The following PDCD6 variants were observed in gnomAD, a reference collection of about 807,000 sequenced individuals.
PDCD6 encodes the protein programmed cell death protein 6.
PDCD6 carries 12 observed loss-of-function variants against 28.3 expected under a neutral mutation model. The observed-to-expected ratio is 0.42, with a 90% confidence interval of 0.27 to 0.69. PDCD6 has a LOEUF of 0.69. Ranked by LOEUF, PDCD6 falls within the 30% of genes least tolerant of loss-of-function variation. PDCD6 has a pLI of 0.22. For synonymous variants in PDCD6, 92 were observed against 108.0 expected (o/e 0.85, Z 0.92); for missense variants, 226 against 269.9 (o/e 0.84, Z 1.14).
At chr5:278,294 G>A (rs1738334127) in intron 2 of PDCD6, among the ~76,000 whole-genome samples, 1 of 151,996 alleles carries the variant, frequency 6.6e-6, no homozygotes, top group African/African-American at 2.4e-5. Context: ...TCCAGGCACT[G>A]GGGATAGGGT....
chr5:297,299 G>A lies in PDCD6; in HGVS notation c.164-6878G>A, dbSNP rs57010956. Among the ~76,000 whole-genome samples, 677 of 152,368 alleles carry A rather than the reference G, an allele frequency of 4.4e-3. 7 individuals carry two copies. The highest frequency in any genetic ancestry group is 0.015 in the African/African-American group (631 of 41,578). On this transcript the variant is annotated intron_variant, in intron 2 of 5. Transcript: ENST00000264933. ...CCACGGAATAAACATGGGGGAGAGC[G>A]TAAGCGCTGTCCTAGCAGAAACTTA...
Position 274,376 on chromosome 5 carries a change from A to G in PDCD6, c.163+1604A>G, listed in dbSNP as rs540875533. 2.0e-5 allele frequency among the ~76,000 whole-genome samples: 3 copies of G among 152,240 alleles called. No homozygotes were observed. In the East Asian group the frequency reaches 5.8e-4, roughly 29 times the overall value. On this transcript the variant is annotated intron_variant, in intron 2 of 5. Coordinates refer to ENST00000264933, the MANE Select transcript of PDCD6 (RefSeq NM_013232.4). ...TGGTCAAATACTGGACCGCATTAGT[A>G]TGGTAGCCTGCCCACCTTGGCAGGC...
chr5:284,327 A>C (rs1243273165), intron 2 of PDCD6, among the ~76,000 whole-genome samples: 3 of 152,068 alleles, frequency 2.0e-5, no homozygotes, highest in Non-Finnish European at 4.4e-5. Flanking sequence ...TTCTAGCTTG[A>C]GGGTCGTTCA....
At chr5:293,172 C>T (rs1301178404) in intron 2 of PDCD6, among the ~76,000 whole-genome samples, 1 of 152,244 alleles carries the variant, frequency 6.6e-6, no homozygotes, top group African/African-American at 2.4e-5. Context: ...ACAGGACCCC[C>T]TGATGGACCA....
At chr5:285,782 T>G (rs1326236293) in intron 2 of PDCD6, among the ~76,000 whole-genome samples, 7 of 150,298 alleles carry the variant, frequency 4.7e-5, no homozygotes, top group South Asian at 4.2e-4. Context: ...TTGAGAGATG[T>G]GCAGATGGAG....
At chr5:309,630 T>C in intron 4 of PDCD6, 1 of 179,606 alleles carries the variant, frequency 5.6e-6, no homozygotes, top group South Asian at 5.6e-5. Context: ...GCCGTCCCCG[T>C]GCACACCAGT....
At chr5:284,891 A>G (rs754832698) in intron 2 of PDCD6, among the ~76,000 whole-genome samples, 1 of 144,000 alleles carries the variant, frequency 6.9e-6, no homozygotes. Flanking sequence ...CTGATGTTCC[A>G]GTCTGAGGGT....
chr5:289,762 A>G, intron 2 of PDCD6: 3 of 946,278 alleles, frequency 3.2e-6, no homozygotes, highest in South Asian at 1.3e-5. Flanking sequence ...ATTTGTTGTC[A>G]TGGGGGCTGA....
rs138724135 is a variant in PDCD6, at chr5:299,584, T to C, written c.164-4593T>C. ...TTTTTCTTTAAGACAGAGTCTCACTTTGTCGCCCAGGCTGGAGTCCAGTGG... is the reference window on the plus strand; with the variant it reads ...TTTTTCTTTAAGACAGAGTCTCACTCTGTCGCCCAGGCTGGAGTCCAGTGG... On this transcript the variant is annotated intron_variant, in intron 2 of 5. Transcript: ENST00000264933. Among the ~76,000 whole-genome samples, 759 of 152,078 alleles carry C rather than the reference T, an allele frequency of 5.0e-3. 9 individuals carry two copies. Among genetic ancestry groups the C allele is most frequent in the African/African-American group, 0.018 (746 of 41,494 alleles).
At chr5:299,240 CTCCCCCCCAGCTGT>C (rs1414625463) in intron 2 of PDCD6, among the ~76,000 whole-genome samples, 5 of 55,460 alleles carry the variant, frequency 9.0e-5, no homozygotes, top group African/African-American at 3.6e-4. Context: ...CCCTCCGCTG[CTCCCCCCCAGCTGT>C]TCCCCCCCAG....
intron 2 of PDCD6, among the ~76,000 whole-genome samples, chr5:281,535 G>A (rs1481110732): frequency 6.6e-6 from 1 of 152,058 alleles, no homozygotes; most frequent in Non-Finnish European, 1.5e-5. Context: ...AGGTGTTCTA[G>A]TTTGAGGGTC....
At chr5:300,351 T>G (rs1579528668) in intron 2 of PDCD6, among the ~76,000 whole-genome samples, 1 of 152,222 alleles carries the variant, frequency 6.6e-6, no homozygotes, top group African/African-American at 2.4e-5. Context: ...GCTGGAGGAA[T>G]CCGGCGCACC....
chr5:311,555 G>A (rs927746903), intron 5 of PDCD6, 153 bp downstream of exon 5: 28 of 609,474 alleles, frequency 4.6e-5, no homozygotes, highest in Admixed American at 1.4e-4. Flanking sequence ...AGAAGTAGCC[G>A]GTTAGTGAAG....
chr5:281,720 G>GGT (rs1185409215), intron 2 of PDCD6, among the ~76,000 whole-genome samples: 4 of 138,126 alleles, frequency 2.9e-5, no homozygotes, highest in Non-Finnish European at 6.2e-5. Flanking sequence ...GAGGGGCTGA[G>GGT]GTTCTAGTTT....
rs3777237 is a variant in PDCD6, at chr5:307,526, C to T, written c.367+766C>T. Among the ~76,000 whole-genome samples, 6,875 of 152,272 alleles carry T rather than the reference C, an allele frequency of 0.045. 213 individuals carry two copies. The highest frequency in any genetic ancestry group is 0.062 in the South Asian group (297 of 4,826). ...CCTGTCCAGAGTGCGTCCATAGGGC[C>T]TGTCCACGGGGCTTCCCGTGCTGCT... On this transcript the variant is annotated intron_variant, in intron 4 of 5. Coordinates refer to ENST00000264933, the MANE Select transcript of PDCD6 (RefSeq NM_013232.4). The surrounding 1 kb of genome is among the most constrained non-coding windows in gnomAD (Gnocchi z 6.1).
At chr5:292,385 A>G (rs1739366312) in intron 2 of PDCD6, among the ~76,000 whole-genome samples, 1 of 152,142 alleles carries the variant, frequency 6.6e-6, no homozygotes, top group Middle Eastern at 3.4e-3. Flanking sequence ...CAGCCTCCCA[A>G]GTAGCTGGGA....
intron 2 of PDCD6, among the ~76,000 whole-genome samples, chr5:303,087 G>GGT (rs1740211233): frequency 2.0e-5 from 3 of 152,136 alleles, no homozygotes; most frequent in Admixed American, 6.5e-5. Flanking sequence ...CTGGAGGGAG[G>GGT]GTGTGTGTGT....
At chr5:284,824 C>T (rs1390890190) in intron 2 of PDCD6, among the ~76,000 whole-genome samples, 1 of 150,006 alleles carries the variant, frequency 6.7e-6, no homozygotes, top group Non-Finnish European at 1.5e-5. Context: ...ACTGGAGACC[C>T]GGGGGGGAGA....
chr5:301,557 ACT>A (rs1740049913), intron 2 of PDCD6, among the ~76,000 whole-genome samples: 1 of 152,224 alleles, frequency 6.6e-6, no homozygotes, highest in South Asian at 2.1e-4. Context: ...GCAGATTATC[ACT>A]CTATTCAGCT....
Sources: gnomAD v4.1 joint callset for allele counts (sites outside exome capture counted in the v4.1 genomes callset) on GRCh38, gnomAD v4.1.1 for gene constraint, Gnocchi (gnomAD v3.1) non-coding constraint, MANE v1.5 for transcripts, NCBI Gene and HGNC (gene_info 2026-07-23, HGNC 2026-07-21) for gene names.